The following TRIM5 variants were observed in gnomAD, a reference collection of about 807,000 sequenced individuals.
TRIM5 encodes the protein tripartite motif containing 5.
Under a neutral mutation model 35.6 loss-of-function variants are expected in TRIM5, and 31 were observed. The observed-to-expected ratio is 0.87, with a 90% CI of 0.65 to 1.18. The LOEUF is 1.18. Among genes scored for constraint, TRIM5 ranks in the 50% most tolerant of loss-of-function variants. The probability of loss-of-function intolerance (pLI) is 0.00; values close to 1 mark genes in which losing one functional copy is unlikely to be tolerated. For synonymous variants in TRIM5, 243 were observed against 215.6 expected, an observed-to-expected ratio of 1.13 and a Z score of -1.11; for missense variants, 609 against 591.6, an observed-to-expected ratio of 1.03 and a Z score of -0.31.
the TRIM5 span, among the ~76,000 whole-genome samples, chr11:5,648,034 A>G: frequency 2.0e-5 from 3 of 152,136 alleles, no homozygotes; most frequent in Non-Finnish European, 2.9e-5. Flanking sequence ...AATTTACAAT[A>G]ATATTATATC....
At chr11:5,652,129 G>T in the TRIM5 span, among the ~76,000 whole-genome samples, 94,839 of 151,732 alleles carry the variant, frequency 0.63, 29,777 homozygotes, top group East Asian at 0.7. Flanking sequence ...TTTGTTTTTG[G>T]TTTTGGTTTT....
the TRIM5 span, chr11:5,603,411 C>T: frequency 6.2e-7 from 1 of 1,614,082 alleles, no homozygotes; most frequent in Non-Finnish European, 8.5e-7. Flanking sequence ...GTGGCCACAG[C>T]TTCTGCCAAG....
chr11:5,643,558 A>T, the TRIM5 span: 119 of 1,614,076 alleles, frequency 7.4e-5, no homozygotes, highest in Non-Finnish European at 9.6e-5. Flanking sequence ...TTCCTCGACT[A>T]TGAAGCAGGC....
chr11:5,591,782 T>C, the TRIM5 span, among the ~76,000 whole-genome samples: 1 of 152,202 alleles, frequency 6.6e-6, no homozygotes, highest in Non-Finnish European at 1.5e-5. Context: ...AATTCTGCCA[T>C]GTGAGGTTCT....
the TRIM5 span, chr11:5,603,280 G>T: frequency 1.2e-6 from 2 of 1,614,042 alleles, no homozygotes; most frequent in Non-Finnish European, 1.7e-6. Flanking sequence ...AGAAATCAGG[G>T]TTGGGCAGGC....
At chr11:5,597,526 C>A in the TRIM5 span, among the ~76,000 whole-genome samples, 8 of 152,056 alleles carry the variant, frequency 5.3e-5, no homozygotes, top group Non-Finnish European at 1.2e-4. Context: ...TTAAATATAA[C>A]CCTACACAAA....
chr11:5,644,684 C>T, the TRIM5 span, among the ~76,000 whole-genome samples: 187 of 152,090 alleles, frequency 1.2e-3, no homozygotes, highest in African/African-American at 4.4e-3. Context: ...ATATAGTTAC[C>T]GTGTGTCGGG....
At chr11:5,612,164 T>TA in the TRIM5 span, 1 of 152,254 alleles carries the variant, frequency 6.6e-6, no homozygotes, top group Non-Finnish European at 1.5e-5. Context: ...TGTTCTCATC[T>TA]ATGTTAATGA....
chr11:5,666,362 T>A, intron 5 of TRIM5: 2 of 408,400 alleles, frequency 4.9e-6, no homozygotes, highest in Non-Finnish European at 4.5e-6. Flanking sequence ...GTCTACATTC[T>A]TAAACTCATA....
the TRIM5 span, among the ~76,000 whole-genome samples, chr11:5,646,201 T>C: frequency 2.0e-4 from 30 of 151,752 alleles, no homozygotes; most frequent in African/African-American, 6.5e-4. Context: ...AGGCACAGCT[T>C]TTTTGGAAAT....
At chr11:5,626,615 C>T in the TRIM5 span, 1 of 152,170 alleles carries the variant, frequency 6.6e-6, no homozygotes, top group East Asian at 1.9e-4. Flanking sequence ...CGCGGTGGTT[C>T]ACGCTTGTAA....
downstream of TRIM5, among the ~76,000 whole-genome samples, chr11:5,660,380 A>C (rs1347894956): frequency 6.6e-6 from 1 of 152,206 alleles, no homozygotes; most frequent in African/African-American, 2.4e-5. Context: ...CCACAGAAAC[A>C]GGAAACTCCC....
chr11:5,594,105 T>G, the TRIM5 span, among the ~76,000 whole-genome samples: 1 of 152,174 alleles, frequency 6.6e-6, no homozygotes, highest in African/African-American at 2.4e-5. Context: ...ACGAGTGGAT[T>G]TGATGGATTA....
At chr11:5,667,795 T>C (rs1851258631) in intron 4 of TRIM5, 84 bp from the exon 5 acceptor site, 2 of 1,478,212 alleles carry the variant, frequency 1.4e-6, no homozygotes, top group Non-Finnish European at 1.9e-6. Context: ...CCCCGGTTCC[T>C]AATGTGCTGA....
Position 5,665,228 on chromosome 11 carries a change from T to G in TRIM5, c.1063A>C (p.Thr355Pro). The change falls in exon 8 of 8, where the codon ACA (threonine) becomes CCA (proline). Residue 355 changes from threonine to proline, a missense_variant. Transcript: ENST00000380034. ...ACCTCCCAGTAATGTTTCCCTGATG[T>G]GATACTTTGAGAGCCCAGGATGCCA... ...CTGILGSQSI[T>P]SGKHYWEVDV... 6.2e-7 allele frequency: 1 copy of G among 1,614,220 alleles called. No homozygotes were observed. The highest frequency in any genetic ancestry group is 8.5e-7 in the Non-Finnish European group (1 of 1,180,042).
chr11:5,634,530 C>CACATATATATATATATATATATATATAT, the TRIM5 span: 10 of 203,898 alleles, frequency 4.9e-5, no homozygotes, highest in African/African-American at 3.4e-4. Context: ...CACACACACA[C>CACATATATATATATATATATATATATAT]ATATATATAT....
At chr11:5,634,530 C>CACACACATATATATATATAT in the TRIM5 span, 3 of 203,886 alleles carry the variant, frequency 1.5e-5, no homozygotes, top group African/African-American at 1.0e-4. Flanking sequence ...CACACACACA[C>CACACACATATATATATATAT]ATATATATAT....
the TRIM5 span, among the ~76,000 whole-genome samples, chr11:5,654,534 C>T: frequency 6.6e-6 from 1 of 152,088 alleles, no homozygotes; most frequent in Admixed American, 6.6e-5. Context: ...CTGGGGAGCA[C>T]GTGTGAGTAC....
the TRIM5 span, chr11:5,603,268 T>C: frequency 6.2e-7 from 1 of 1,613,834 alleles, no homozygotes; most frequent in Non-Finnish European, 8.5e-7. Flanking sequence ...AGGAAACATC[T>C]TAGAAATCAG....
Sources: allele counts gnomAD v4.1 joint callset (sites outside exome capture counted in the v4.1 genomes callset), GRCh38; gene constraint gnomAD v4.1.1; transcripts MANE v1.5; gene names NCBI Gene and HGNC (gene_info 2026-07-23, HGNC 2026-07-21).